Variants in CNTNAP2 observed in about 807,000 individuals in gnomAD.
CNTNAP2 encodes contactin-associated protein-like 2.
In CNTNAP2, 98 loss-of-function variants were observed where a neutral mutation model predicts 155.2. The observed-to-expected ratio is 0.63, with a 90% CI of 0.54 to 0.75. The LOEUF is 0.75. Ranked by LOEUF, CNTNAP2 falls within the 30% of genes least tolerant of loss-of-function variation. The pLI is 0.00. For synonymous variants in CNTNAP2, 651 were observed against 631.2 expected (o/e 1.03, Z -0.47); for missense variants, 1,727 against 1,688.1 (o/e 1.02, Z -0.40).
chr7:146,506,704 C>G (rs1468415284), intron 1 of CNTNAP2, among the ~76,000 whole-genome samples: 1 of 152,252 alleles, frequency 6.6e-6, no homozygotes, highest in African/African-American at 2.4e-5. Context: ...GCTTAATAAA[C>G]TGCCCAGCTA....
chr7:147,218,463 T>G (rs1167341731), intron 8 of CNTNAP2, among the ~76,000 whole-genome samples: 1 of 152,070 alleles, frequency 6.6e-6, no homozygotes, highest in Non-Finnish European at 1.5e-5. Context: ...TTTAAAAATA[T>G]TTTTAAATTT....
chr7:146,368,107 T>G (rs996202281), intron 1 of CNTNAP2, among the ~76,000 whole-genome samples: 2 of 152,154 alleles, frequency 1.3e-5, no homozygotes, highest in African/African-American at 4.8e-5. Context: ...AATGCCCTTT[T>G]CCCTCCTCAG....
intron 8 of CNTNAP2, among the ~76,000 whole-genome samples, chr7:147,262,441 T>C (rs1804495755): frequency 6.6e-6 from 1 of 152,104 alleles, no homozygotes; most frequent in South Asian, 2.1e-4. Context: ...GTTCTCTAGT[T>C]CGGTCTCACT....
chr7:146,157,657 C>A (rs1798148525), intron 1 of CNTNAP2, among the ~76,000 whole-genome samples: 1 of 152,118 alleles, frequency 6.6e-6, no homozygotes, highest in East Asian at 1.9e-4. Context: ...AGTCTGAGAT[C>A]CAACTGCAAG....
intron 2 of CNTNAP2, among the ~76,000 whole-genome samples, chr7:146,798,703 T>A (rs779988815): frequency 1.3e-5 from 2 of 152,176 alleles, no homozygotes; most frequent in Non-Finnish European, 2.9e-5. Context: ...GGTTAACAAC[T>A]GACAATGTAA....
intron 1 of CNTNAP2, among the ~76,000 whole-genome samples, chr7:146,497,136 C>T (rs1372612908): frequency 6.6e-6 from 1 of 151,868 alleles, no homozygotes; most frequent in Non-Finnish European, 1.5e-5. Context: ...GTACATGCAC[C>T]TACTTACCAC....
chr7:146,377,355 C>T (rs1278168957), intron 1 of CNTNAP2, among the ~76,000 whole-genome samples: 10 of 152,254 alleles, frequency 6.6e-5, no homozygotes, highest in Admixed American at 6.5e-4. Flanking sequence ...CCTCAAGGTC[C>T]TTTTCTGTTT....
intron 10 of CNTNAP2, among the ~76,000 whole-genome samples, chr7:147,440,230 T>C (rs1027022720): frequency 6.6e-6 from 1 of 152,080 alleles, no homozygotes; most frequent in African/African-American, 2.4e-5. Context: ...TGTGTATCTG[T>C]TGTGTGTTTT....
At chr7:147,864,454 A>G (rs1799192003) in intron 13 of CNTNAP2, among the ~76,000 whole-genome samples, 2 of 151,194 alleles carry the variant, frequency 1.3e-5, no homozygotes, top group African/African-American at 2.4e-5. Context: ...GTTTTTTCCA[A>G]TTCTGTGAAG....
intron 12 of CNTNAP2, among the ~76,000 whole-genome samples, chr7:147,584,459 T>A (rs1241655530): frequency 6.6e-6 from 1 of 152,228 alleles, no homozygotes; most frequent in Non-Finnish European, 1.5e-5. Flanking sequence ...TTCTGAAATA[T>A]GTAGTGGATA....
At chr7:146,652,678 A>T (rs1799937097) in intron 1 of CNTNAP2, among the ~76,000 whole-genome samples, 1 of 152,188 alleles carries the variant, frequency 6.6e-6, no homozygotes, top group African/African-American at 2.4e-5. Context: ...ATAACTTTGA[A>T]CTTCAAGAAG....
chr7:147,787,025 G>GAAGAC (rs547230351), intron 13 of CNTNAP2, among the ~76,000 whole-genome samples: 46 of 150,704 alleles, frequency 3.1e-4, no homozygotes, highest in South Asian at 4.2e-4. Flanking sequence ...GAGAGAGAGA[G>GAAGAC]AAGACAAGAC....
intron 21 of CNTNAP2, among the ~76,000 whole-genome samples, chr7:148,304,421 C>G (rs1427715144): frequency 6.6e-6 from 1 of 152,134 alleles, no homozygotes; most frequent in Non-Finnish European, 1.5e-5. Flanking sequence ...ATCCAATTTT[C>G]AAGATTTTTT....
intron 9 of CNTNAP2, among the ~76,000 whole-genome samples, chr7:147,330,192 A>G (rs1240844612): frequency 1.3e-5 from 2 of 152,122 alleles, no homozygotes; most frequent in South Asian, 2.1e-4. Flanking sequence ...ATTAGGCTCT[A>G]TGAAAATTCC....
rs530588831 is a variant in CNTNAP2 at position 147,268,942 on chromosome 7, T to C, written c.1349-31199T>C. Among the ~76,000 whole-genome samples the C allele has an allele frequency of 2.0e-5, 3 of 152,248 alleles. No homozygotes were observed. In the East Asian group the frequency reaches 5.8e-4, roughly 29 times the overall value. On this transcript the variant is annotated intron_variant, in intron 8 of 23. Transcript: ENST00000361727. ...ACAAAACTACAAATAAAGTACTAAA[T>C]GGAGTCTTTATTTAATGAAAAAACC...
chr7:146,540,067 A>C (rs1305137110), intron 1 of CNTNAP2, among the ~76,000 whole-genome samples: 1 of 152,072 alleles, frequency 6.6e-6, no homozygotes, highest in Non-Finnish European at 1.5e-5. Context: ...GGATAAGGCC[A>C]GGCAGAGTTT....
chr7:147,160,007 G>A (rs566018353), intron 8 of CNTNAP2, among the ~76,000 whole-genome samples: 13 of 152,156 alleles, frequency 8.5e-5, no homozygotes, highest in Non-Finnish European at 1.6e-4. Flanking sequence ...TTACCTGGTT[G>A]AGAAAATATA....
intron 20 of CNTNAP2, among the ~76,000 whole-genome samples, chr7:148,243,444 C>T (rs1291573264): frequency 6.6e-6 from 1 of 152,072 alleles, no homozygotes; most frequent in African/African-American, 2.4e-5. Flanking sequence ...CCTGAGACTG[C>T]GTAATTTACA....
chr7:147,646,498 A>G lies in CNTNAP2; in HGVS notation c.2098+7192A>G, dbSNP rs528198214. On this transcript the variant is annotated intron_variant, in intron 13 of 23. Coordinates refer to ENST00000361727, the MANE Select transcript of CNTNAP2 (RefSeq NM_014141.6). Reference sequence around the variant, plus strand: ...ATAAAATGGAAGAACTAAGAGTATCATCAGAATCCTAATGTTTTCCATTCT... The same window carrying G: ...ATAAAATGGAAGAACTAAGAGTATCGTCAGAATCCTAATGTTTTCCATTCT... Among the ~76,000 whole-genome samples, 29 of 152,356 alleles carry G rather than the reference A, an allele frequency of 1.9e-4. No homozygotes were observed. In the South Asian group the frequency reaches 5.6e-3, roughly 29 times the overall value.
Sources: gnomAD v4.1 joint callset for allele counts (sites outside exome capture counted in the v4.1 genomes callset) on GRCh38, gnomAD v4.1.1 for gene constraint, MANE v1.5 for transcripts, NCBI Gene and HGNC (gene_info 2026-07-23, HGNC 2026-07-21) for gene names.